GALNT17: variants seen among roughly 807,000 people sequenced by gnomAD.
GALNT17 encodes polypeptide N-acetylgalactosaminyltransferase 17.
GALNT17 carries 29 observed loss-of-function variants against 63.7 expected under a neutral mutation model. The observed-to-expected ratio is 0.46, with a 90% CI of 0.34 to 0.62. The LOEUF (loss-of-function observed/expected upper bound fraction) is 0.62, where lower values mean the gene tolerates loss of function less well. Ranked by LOEUF, GALNT17 falls within the 20% of genes least tolerant of loss-of-function variation. GALNT17 has a pLI of 0.01. For missense variants in GALNT17, 603 were observed against 799.6 expected, an observed-to-expected ratio of 0.75 and a Z score of 2.97; for synonymous variants, 305 against 318.3, an observed-to-expected ratio of 0.96 and a Z score of 0.45.
At chr7:71,192,529 G>A (rs558758349) in intron 1 of GALNT17, among the ~76,000 whole-genome samples, 2 of 151,876 alleles carry the variant, frequency 1.3e-5, no homozygotes, top group East Asian at 1.9e-4. Context: ...CCAAGTAGCC[G>A]GGATTACAAG....
chr7:71,516,572 T>C (rs1188245683), intron 5 of GALNT17, among the ~76,000 whole-genome samples: 1 of 152,152 alleles, frequency 6.6e-6, no homozygotes, highest in Non-Finnish European at 1.5e-5. Context: ...AGGGTCTACT[T>C]CAGAATGCAG....
chr7:71,240,676 C>CT (rs1562940440), intron 1 of GALNT17, among the ~76,000 whole-genome samples: 1 of 137,246 alleles, frequency 7.3e-6, no homozygotes, highest in Non-Finnish European at 1.6e-5. Flanking sequence ...TCTTTTTTTC[C>CT]TTTTTTTTGA....
intron 1 of GALNT17, among the ~76,000 whole-genome samples, chr7:71,263,851 G>A (rs1790437842): frequency 6.6e-6 from 1 of 151,176 alleles, no homozygotes; most frequent in African/African-American, 2.4e-5. Flanking sequence ...GTGAACCCGG[G>A]AGGCGGAGCT....
At chr7:71,699,482 A>G (rs898080599) in intron 9 of GALNT17, among the ~76,000 whole-genome samples, 3 of 151,646 alleles carry the variant, frequency 2.0e-5, no homozygotes, top group African/African-American at 7.3e-5. Flanking sequence ...TCTCAAAAAA[A>G]AAAAAAACCC....
chr7:71,227,166 C>T (rs546137110), intron 1 of GALNT17, among the ~76,000 whole-genome samples: 32 of 109,168 alleles, frequency 2.9e-4, no homozygotes, highest in African/African-American at 3.1e-4. Context: ...AGGGAGACAC[C>T]GTCTCTACAA....
intron 5 of GALNT17, among the ~76,000 whole-genome samples, chr7:71,505,917 A>C: frequency 6.6e-6 from 1 of 152,122 alleles, no homozygotes; most frequent in East Asian, 1.9e-4. Flanking sequence ...GCTCCATAAT[A>C]AGCTTCATAT....
chr7:71,700,865 A>G (rs1437891684), intron 9 of GALNT17, among the ~76,000 whole-genome samples: 3 of 152,188 alleles, frequency 2.0e-5, no homozygotes, highest in African/African-American at 7.2e-5. Context: ...GACTCCAGTG[A>G]GTAAGCTGTG....
intron 1 of GALNT17, among the ~76,000 whole-genome samples, chr7:71,304,000 G>A (rs1791245500): frequency 1.3e-5 from 2 of 152,172 alleles, no homozygotes; most frequent in South Asian, 4.1e-4. Context: ...GTGCACACTT[G>A]CATATTTGAG....
chr7:71,683,605 CAGAG>C (rs1377507646), intron 9 of GALNT17, among the ~76,000 whole-genome samples: 5 of 152,324 alleles, frequency 3.3e-5, no homozygotes, highest in South Asian at 4.2e-4. Flanking sequence ...CCGGGCCACT[CAGAG>C]AGCCTTGCTT....
intron 5 of GALNT17, among the ~76,000 whole-genome samples, chr7:71,461,515 C>G (rs1456285844): frequency 6.6e-6 from 1 of 152,166 alleles, no homozygotes; most frequent in African/African-American, 2.4e-5. Context: ...ACTCTTTCAT[C>G]CAAAAGAACT....
chr7:71,408,878 C>T (rs989939719), intron 3 of GALNT17, among the ~76,000 whole-genome samples: 1 of 151,646 alleles, frequency 6.6e-6, no homozygotes, highest in Non-Finnish European at 1.5e-5. Context: ...GTCTCTGTCT[C>T]TGTCTCTGTA....
intron 5 of GALNT17, among the ~76,000 whole-genome samples, chr7:71,501,815 A>G (rs575137320): frequency 3.5e-4 from 54 of 152,244 alleles, no homozygotes; most frequent in Middle Eastern, 6.8e-3. Context: ...CTTTCTCACA[A>G]CAAATGGCTG....
chr7:71,176,877 G>A lies in GALNT17; in HGVS notation c.238+43837G>A, dbSNP rs1401817936. On this transcript the variant is annotated intron_variant, in intron 1 of 10. Coordinates refer to ENST00000333538, the MANE Select transcript of GALNT17 (RefSeq NM_022479.3). ...AGCAGGCATTTATTTGAGCACTTAC[G>A]GTATGCTGGAACCTAAAAGAATTTG... is the stretch of plus-strand genomic sequence containing the variant. 5.3e-5 allele frequency among the ~76,000 whole-genome samples: 8 copies of A among 152,234 alleles called. No individual in the cohort carries two copies. The East Asian group carries it at 1.4e-3, about 26-fold the overall frequency.
At chr7:71,524,542 T>C (rs573997358) in intron 5 of GALNT17, among the ~76,000 whole-genome samples, 1 of 152,206 alleles carries the variant, frequency 6.6e-6, no homozygotes, top group East Asian at 1.9e-4. Context: ...GTTGAATCGA[T>C]GGCCACGGTA....
At chr7:71,554,860 T>C (rs1432111112) in intron 5 of GALNT17, among the ~76,000 whole-genome samples, 1 of 152,212 alleles carries the variant, frequency 6.6e-6, no homozygotes, top group East Asian at 1.9e-4. Context: ...GAGAATTAGC[T>C]TCTGTGTGTG....
intron 6 of GALNT17, among the ~76,000 whole-genome samples, chr7:71,592,318 T>C (rs1789814427): frequency 6.6e-6 from 1 of 151,866 alleles, no homozygotes; most frequent in East Asian, 1.9e-4. Context: ...TTCCTATGCA[T>C]TTTGCAGCAT....
chr7:71,708,175 A>G (rs974280509), intron 9 of GALNT17, among the ~76,000 whole-genome samples: 1 of 152,172 alleles, frequency 6.6e-6, no homozygotes. Flanking sequence ...GATAGAGTGT[A>G]TTAGTCCAGT....
intron 5 of GALNT17, among the ~76,000 whole-genome samples, chr7:71,465,162 C>A (rs1787514524): frequency 6.6e-6 from 1 of 152,116 alleles, no homozygotes; most frequent in Non-Finnish European, 1.5e-5. Context: ...ATTCTTTTTC[C>A]TTGGTCAGAT....
chr7:71,677,127 A>G, intron 8 of GALNT17, 84 bp from the exon 9 acceptor site: 1 of 1,439,974 alleles, frequency 6.9e-7, no homozygotes, highest in East Asian at 2.3e-5. Flanking sequence ...TGAAGTTGGA[A>G]CCAAGCCATG....
Sources: gnomAD v4.1 joint callset for allele counts (sites outside exome capture counted in the v4.1 genomes callset) on GRCh38, gnomAD v4.1.1 for gene constraint, MANE v1.5 for transcripts, NCBI Gene and HGNC (gene_info 2026-07-23, HGNC 2026-07-21) for gene names.